The following ARHGEF2 variants were observed in gnomAD, a reference collection of about 807,000 sequenced individuals.
ARHGEF2 encodes the protein rho guanine nucleotide exchange factor 2.
A neutral mutation model predicts 121.0 loss-of-function variants in ARHGEF2; 22 were observed. That is an observed-to-expected ratio of 0.18 (90% CI 0.13 to 0.26). The LOEUF (loss-of-function observed/expected upper bound fraction) is 0.26, where lower values mean the gene tolerates loss of function less well. Ranked by LOEUF, ARHGEF2 falls within the 10% of genes least tolerant of loss-of-function variation. The pLI, the probability that ARHGEF2 is intolerant of heterozygous loss-of-function variation, is 1.00. For synonymous variants in ARHGEF2, 487 were observed against 530.0 expected, an observed-to-expected ratio of 0.92 and a Z score of 1.11; for missense variants, 907 against 1,336.0, an observed-to-expected ratio of 0.68 and a Z score of 5.01.
In ARHGEF2 at chr1:155,952,615, G is replaced by A; in HGVS notation, c.1984+13C>T. On this transcript the variant is annotated intron_variant, in intron 15 of 21. Coordinates refer to ENST00000361247, the MANE Select transcript of ARHGEF2 (RefSeq NM_001162383.2). ...GTGCTTGAGCCTGGACTCTTCCCTG[G>A]GAGCTCCCTCACCCTCACGGATGGC... is the stretch of plus-strand genomic sequence containing the variant. 6.2e-7 allele frequency: 1 copy of A among 1,603,414 alleles called. No individual in the cohort carries two copies. The highest frequency in any genetic ancestry group is 8.5e-7 in the Non-Finnish European group (1 of 1,173,226).
At chr1:155,955,803 C>T (rs1214584807) in intron 13 of ARHGEF2, among the ~76,000 whole-genome samples, 4 of 152,040 alleles carry the variant, frequency 2.6e-5, no homozygotes, top group Non-Finnish European at 4.4e-5. Flanking sequence ...GCAACCTCTG[C>T]CTCCCAGGTT....
At chr1:155,963,288 T>C in intron 7 of ARHGEF2, 105 bp from the exon 8 acceptor site, 1 of 1,074,840 alleles carries the variant, frequency 9.3e-7, no homozygotes, top group Non-Finnish European at 1.4e-6. Flanking sequence ...CAAGGTCCAT[T>C]CCAGGTTAAT....
intron 21 of ARHGEF2, among the ~76,000 whole-genome samples, chr1:155,949,543 G>A (rs183651946): frequency 0.014 from 2,067 of 151,084 alleles, 29 homozygotes; most frequent in Non-Finnish European, 0.019. Flanking sequence ...TCTCACTACT[G>A]TACTCCAGCC....
chr1:155,972,779 G>A (rs1163392905), intron 1 of ARHGEF2, among the ~76,000 whole-genome samples: 6 of 150,566 alleles, frequency 4.0e-5, no homozygotes, highest in Non-Finnish European at 5.9e-5. Flanking sequence ...ATGGCTCACC[G>A]CAGCCTTGAC....
chr1:155,978,211 C>G lies in ARHGEF2; in HGVS notation c.63+154G>C. 3.2e-6 allele frequency: 4 copies of G among 1,264,114 alleles called. No homozygotes were observed. The highest frequency in any genetic ancestry group is 3.7e-5 in the East Asian group (1 of 27,132). The allele number at this position is 1,264,114 out of a possible 1,614,324, so 78.3% of individuals were successfully genotyped here. ...CCACCCCTACCCACTCGCTCGCAGTCCCCACCCACCCCGTCCCGCCGCTCG... is the reference window on the plus strand; with the variant it reads ...CCACCCCTACCCACTCGCTCGCAGTGCCCACCCACCCCGTCCCGCCGCTCG... On this transcript the variant is annotated intron_variant, in intron 1 of 21. Coordinates refer to ENST00000361247, the MANE Select transcript of ARHGEF2 (RefSeq NM_001162383.2). This position sits in a 1 kb window ranked among gnomAD's most constrained non-coding sequence, Gnocchi z 4.1.
rs756354969 is a variant in ARHGEF2 at position 155,969,319 on chromosome 1, G to T, written c.64-19C>A. 6.2e-7 allele frequency: 1 copy of T among 1,613,092 alleles called. No individual in the cohort carries two copies. Among genetic ancestry groups the T allele is most frequent in the East Asian group, 2.2e-5 (1 of 44,860 alleles). ...CCCGGGTCTGTGGAAGGGATGAGAG[G>T]GAGAGGAAGTGAGGCTGGAAAATGC... On this transcript the variant is annotated intron_variant, in intron 1 of 21. Coordinates refer to ENST00000361247, the MANE Select transcript of ARHGEF2 (RefSeq NM_001162383.2).
chr1:155,953,763 A>AAAAG (rs1234919112), intron 14 of ARHGEF2, among the ~76,000 whole-genome samples: 2 of 151,712 alleles, frequency 1.3e-5, no homozygotes, highest in African/African-American at 2.4e-5. Context: ...AAAAAAAAAA[A>AAAAG]AAAGAAAGAA....
intron 7 of ARHGEF2, among the ~76,000 whole-genome samples, chr1:155,963,413 T>C (rs1253655913): frequency 7.0e-6 from 1 of 142,070 alleles, no homozygotes; most frequent in Non-Finnish European, 1.5e-5. Context: ...TGGCGCGATC[T>C]CAGCTCACTG....
chr1:155,960,482 A>G (rs11264424), intron 11 of ARHGEF2, among the ~76,000 whole-genome samples: 480 of 149,886 alleles, frequency 3.2e-3, no homozygotes, highest in Admixed American at 3.5e-3. Flanking sequence ...AAAAAAAAAA[A>G]AGAGAGAGAA....
At position 155,978,274 on chromosome 1, in the gene ARHGEF2, G is replaced by A; in HGVS notation, c.63+91C>T. 3.2e-6 allele frequency: 4 copies of A among 1,256,100 alleles called. No homozygotes were observed. The highest frequency in any genetic ancestry group is 4.1e-6 in the Non-Finnish European group (4 of 969,478). 77.8% of individuals were successfully genotyped at this position (1,256,100 alleles called of 1,614,324 possible). A position where few individuals can be genotyped will look rare whatever the true frequency, so the allele number is the denominator to read the frequency against. On this transcript the variant is annotated intron_variant, in intron 1 of 21. Coordinates refer to ENST00000361247, the MANE Select transcript of ARHGEF2 (RefSeq NM_001162383.2). This position sits in a 1 kb window ranked among gnomAD's most constrained non-coding sequence, Gnocchi z 4.1. ...TCCGCCCGATTTTGGCGCCCAGAAA[G>A]CAGGCGGGGAGACAGGAGATGCACC...
intron 7 of ARHGEF2, among the ~76,000 whole-genome samples, chr1:155,964,275 C>T (rs996374178): frequency 2.1e-5 from 3 of 141,550 alleles, no homozygotes; most frequent in African/African-American, 8.1e-5. Context: ...AAAATCCTGG[C>T]GTCAAGTGAT....
chr1:155,971,008 G>C, intron 1 of ARHGEF2: 1 of 985,980 alleles, frequency 1.0e-6, no homozygotes, highest in East Asian at 1.1e-4. Flanking sequence ...TCCCTCCTAG[G>C]CTCCTCCCGC....
chr1:155,954,932 C>T lies in ARHGEF2; in HGVS notation c.1753G>A (p.Glu585Lys). 1 of 1,612,172 alleles carries T rather than the reference C, an allele frequency of 6.2e-7. No homozygotes were observed. The highest frequency in any genetic ancestry group is 8.5e-7 in the Non-Finnish European group (1 of 1,179,202). ...ATTCGCCGCAGGTAAGCCTCATCCTCTGTCTCAATCAGGGGGAAGTCCTCC... is the reference window on the plus strand; with the variant it reads ...ATTCGCCGCAGGTAAGCCTCATCCTTTGTCTCAATCAGGGGGAAGTCCTCC... ...SREDFPLIET[E>K]DEAYLRRIKM... The change falls in exon 14 of 22, where the codon GAG becomes AAG. Residue 585 changes from glutamate (E) to lysine (K), a missense_variant. Coordinates refer to ENST00000361247, the MANE Select transcript of ARHGEF2 (RefSeq NM_001162383.2).
intron 16 of ARHGEF2, 43 bp from the exon 17 acceptor site, chr1:155,952,029 G>A (rs774510447): frequency 1.2e-6 from 2 of 1,613,820 alleles, no homozygotes; most frequent in African/African-American, 1.3e-5. Context: ...ACTTCCCTGG[G>A]GCCCTGATAC....
At chr1:155,958,008 C>T (rs1421399136) in intron 12 of ARHGEF2, 126 bp from the exon 13 acceptor site, 1 of 993,454 alleles carries the variant, frequency 1.0e-6, no homozygotes, top group African/African-American at 1.6e-5. Flanking sequence ...AGTTAAGAGC[C>T]AGGCACTGGT....
In ARHGEF2 at chr1:155,963,061, C is replaced by T. The variant is rs753689780; in HGVS notation, c.847G>A (p.Val283Met). 2.5e-6 allele frequency: 4 copies of T among 1,614,148 alleles called. No individual in the cohort carries two copies. Among genetic ancestry groups the T allele is most frequent in the Admixed American group, 1.7e-5 (1 of 60,018 alleles). ...PGVVQGLFPC[V>M]DELSDIHTRF... ...GTATGGATGTCACTGAGCTCGTCCA[C>T]GCAGGGGAACAGGCCCTGGACCACT... Residue 283 changes from valine to methionine, a missense_variant, in exon 8 of 22, where the codon GTG (valine) becomes ATG (methionine). Transcript: ENST00000361247.
At chr1:155,949,548 C>T (rs1674968142) in intron 21 of ARHGEF2, among the ~76,000 whole-genome samples, 1 of 151,522 alleles carries the variant, frequency 6.6e-6, no homozygotes, top group Non-Finnish European at 1.5e-5. Context: ...CTACTGTACT[C>T]CAGCCTGGCG....
intron 13 of ARHGEF2, among the ~76,000 whole-genome samples, chr1:155,956,775 G>GT (rs1283626698): frequency 6.8e-6 from 1 of 147,110 alleles, no homozygotes; most frequent in African/African-American, 2.5e-5. Context: ...GGCCAACATG[G>GT]TAAAACCCCG....
At position 155,969,077 on chromosome 1, in the gene ARHGEF2, C is replaced by T. The variant is rs1341808025; in HGVS notation, c.208+79G>A. Reference sequence around the variant, plus strand: ...AGAGAGAAGAGTGACCCTCATGGATCCAGGCAGAAAAAACAGATGAAAAGA... The same window carrying T: ...AGAGAGAAGAGTGACCCTCATGGATTCAGGCAGAAAAAACAGATGAAAAGA... On this transcript the variant is annotated intron_variant, in intron 2 of 21. Transcript: ENST00000361247. The T allele has an allele frequency of 1.3e-5, 21 of 1,560,590 alleles. No individual in the cohort carries two copies. In the Admixed American group the frequency reaches 3.3e-4, roughly 24 times the overall value.
Sources: allele counts gnomAD v4.1 joint callset (sites outside exome capture counted in the v4.1 genomes callset), GRCh38; gene constraint gnomAD v4.1.1; non-coding constraint Gnocchi (gnomAD v3.1); transcripts MANE v1.5; gene names NCBI Gene and HGNC (gene_info 2026-07-23, HGNC 2026-07-21).